The following RTN4RL1 variants were observed in gnomAD, a reference collection of about 807,000 sequenced individuals.
RTN4RL1 encodes the protein reticulon 4 receptor like 1.
In RTN4RL1, 7 loss-of-function variants were observed where a neutral mutation model predicts 25.6. The ratio of observed to expected loss-of-function variants is 0.27; its 90% confidence interval spans 0.16 to 0.51. The LOEUF is 0.51. Among genes scored for constraint, RTN4RL1 ranks in the 20% least tolerant of loss-of-function variants. The pLI is 0.97. For missense variants in RTN4RL1, 500 were observed against 615.6 expected, an observed-to-expected ratio of 0.81 and a Z score of 1.99; for synonymous variants, 297 against 288.2, an observed-to-expected ratio of 1.03 and a Z score of -0.31.
At chr17:2,020,766 A>G (rs573837856) in intron 1 of RTN4RL1, 3 of 152,184 alleles carry the variant, frequency 2.0e-5, no homozygotes, top group Non-Finnish European at 4.4e-5. Flanking sequence ...TTGGCACTCT[A>G]TTTTCTTGCT....
intron 1 of RTN4RL1, among the ~76,000 whole-genome samples, chr17:1,943,119 A>C (rs1915472765): frequency 6.6e-6 from 1 of 152,136 alleles, no homozygotes; most frequent in Non-Finnish European, 1.5e-5. Flanking sequence ...GCAGGACAGG[A>C]CCAACCAAGG....
intron 1 of RTN4RL1, among the ~76,000 whole-genome samples, chr17:1,963,978 C>T (rs34421123): frequency 0.22 from 33,311 of 152,088 alleles, 3,998 homozygotes; most frequent in Middle Eastern, 0.29. Flanking sequence ...CCACCTGCCT[C>T]GGCCTCCCAA....
intron 1 of RTN4RL1, among the ~76,000 whole-genome samples, chr17:1,966,203 C>T (rs1197763359): frequency 6.6e-6 from 1 of 152,196 alleles, no homozygotes; most frequent in African/African-American, 2.4e-5. Context: ...TGACATGTGT[C>T]CAAGCCGCGT....
chr17:1,941,319 C>T (rs928855144), intron 1 of RTN4RL1, among the ~76,000 whole-genome samples: 1 of 152,236 alleles, frequency 6.6e-6, no homozygotes, highest in Admixed American at 6.5e-5. Flanking sequence ...ATGGCCCCCA[C>T]ATCCAGGAGT....
chr17:1,940,540 A>T (rs1385605215), intron 1 of RTN4RL1, among the ~76,000 whole-genome samples: 1 of 152,122 alleles, frequency 6.6e-6, no homozygotes, highest in Non-Finnish European at 1.5e-5. Context: ...CCATCTGCCC[A>T]AGGAGACCCA....
chr17:1,979,179 A>G (rs2066856288), intron 1 of RTN4RL1, among the ~76,000 whole-genome samples: 1 of 152,224 alleles, frequency 6.6e-6, no homozygotes, highest in Non-Finnish European at 1.5e-5. Context: ...AGGCTGAGGC[A>G]GGAGAATTGC....
chr17:2,012,028 G>A (rs1199048912), intron 1 of RTN4RL1, among the ~76,000 whole-genome samples: 2 of 152,160 alleles, frequency 1.3e-5, no homozygotes, highest in African/African-American at 2.4e-5. Flanking sequence ...ACAGATGGGA[G>A]CCAAGACAAA....
chr17:1,960,570 A>AT (rs1216778780), intron 1 of RTN4RL1, among the ~76,000 whole-genome samples: 3 of 152,208 alleles, frequency 2.0e-5, no homozygotes, highest in Non-Finnish European at 4.4e-5. Context: ...TTTTATTACA[A>AT]ATAAATAACT....
intron 1 of RTN4RL1, among the ~76,000 whole-genome samples, chr17:1,954,090 A>G (rs1165211882): frequency 1.3e-5 from 2 of 152,184 alleles, no homozygotes; most frequent in African/African-American, 2.4e-5. Flanking sequence ...CCAATGCTGG[A>G]ATTTCCAAAC....
intron 1 of RTN4RL1, among the ~76,000 whole-genome samples, chr17:1,942,318 C>T (rs1915454998): frequency 6.6e-6 from 1 of 152,060 alleles, no homozygotes; most frequent in East Asian, 1.9e-4. Context: ...CTGCCTGAGC[C>T]CCGGGGTGTG....
At chr17:2,022,409 C>T (rs2067220487) in intron 1 of RTN4RL1, among the ~76,000 whole-genome samples, 2 of 152,174 alleles carry the variant, frequency 1.3e-5, no homozygotes, top group African/African-American at 4.8e-5. Flanking sequence ...ACCTCGGCCT[C>T]CCAAAATGCT....
At chr17:2,002,494 G>A (rs900728304) in intron 1 of RTN4RL1, among the ~76,000 whole-genome samples, 10 of 150,514 alleles carry the variant, frequency 6.6e-5, no homozygotes, top group South Asian at 6.3e-4. Flanking sequence ...GGGTTTCACC[G>A]TGTTAGCCAG....
chr17:1,972,517 C>G (rs1422661657), intron 1 of RTN4RL1, among the ~76,000 whole-genome samples: 5 of 151,956 alleles, frequency 3.3e-5, no homozygotes, highest in Non-Finnish European at 7.4e-5. Context: ...CACCCTTGAC[C>G]CTTCCCGCTT....
At chr17:2,016,775 A>G (rs2067130305) in intron 1 of RTN4RL1, among the ~76,000 whole-genome samples, 1 of 152,220 alleles carries the variant, frequency 6.6e-6, no homozygotes, top group African/African-American at 2.4e-5. Flanking sequence ...CGGCCTGCCC[A>G]GGTGCCCCTC....
chr17:2,024,744 G>C, intron 1 of RTN4RL1, 109 bp downstream of exon 1: 2 of 1,140,046 alleles, frequency 1.8e-6, no homozygotes, highest in Non-Finnish European at 2.4e-6. Flanking sequence ...CCACCAGCCC[G>C]CCGGGGGCTA....
intron 1 of RTN4RL1, among the ~76,000 whole-genome samples, chr17:1,973,692 C>T (rs1223355267): frequency 6.6e-6 from 1 of 152,014 alleles, no homozygotes; most frequent in African/African-American, 2.4e-5. Flanking sequence ...GCCCCAGCCC[C>T]GCATGTTAGC....
In RTN4RL1 at chr17:1,959,035, C is replaced by T. The variant is rs982765476; in HGVS notation, c.14-21227G>A. On this transcript the variant is annotated intron_variant, in intron 1 of 1. Coordinates refer to ENST00000331238, the MANE Select transcript of RTN4RL1 (RefSeq NM_178568.4). ...CGGAGGGTGAGGCCCTCTCAAAACA[C>T]GCCGGTGGGCGAGCGGGAATCCTGG... is the stretch of plus-strand genomic sequence containing the variant. 8.5e-5 allele frequency among the ~76,000 whole-genome samples: 13 copies of T among 152,354 alleles called. No individual in the cohort carries two copies. The East Asian group carries it at 9.6e-4, about 11-fold the overall frequency.
In RTN4RL1 at chr17:1,998,841, A is replaced by C. The variant is rs2066942304; in HGVS notation, c.13+26012T>G. Among the ~76,000 whole-genome samples, 1 of 151,830 alleles carries C rather than the reference A, an allele frequency of 6.6e-6. No individual in the cohort carries two copies. The highest frequency in any genetic ancestry group is 1.5e-5 in the Non-Finnish European group (1 of 67,964). On this transcript the variant is annotated intron_variant, in intron 1 of 1. Transcript: ENST00000331238. This position sits in a 1 kb window ranked among gnomAD's most constrained non-coding sequence, Gnocchi z 4.9. The stretch of plus-strand genomic sequence containing the variant: ...AACGCTGGGGACGCGGGTTTGACGC[A>C]CTTTCCCGGCAGCCGAAGACGACCC...
intron 1 of RTN4RL1, among the ~76,000 whole-genome samples, chr17:2,013,178 AAAG>A (rs745972968): frequency 6.6e-5 from 10 of 152,318 alleles, no homozygotes; most frequent in Middle Eastern, 3.4e-3. Flanking sequence ...TTTGATGAAT[AAAG>A]AAGAAGAGAG....
Sources: allele counts gnomAD v4.1 joint callset (sites outside exome capture counted in the v4.1 genomes callset), GRCh38; gene constraint gnomAD v4.1.1; non-coding constraint Gnocchi (gnomAD v3.1); transcripts MANE v1.5; gene names NCBI Gene and HGNC (gene_info 2026-07-23, HGNC 2026-07-21).